The following B3GALT1 variants were observed in gnomAD, a reference collection of about 807,000 sequenced individuals.
B3GALT1 encodes beta-1,3-galactosyltransferase 1, also known as UDP-Gal:betaGlcNAc beta 1,3-galactosyltransferase, polypeptide 1.
Under a neutral mutation model 23.2 loss-of-function variants are expected in B3GALT1, and 10 were observed. That is an observed-to-expected ratio of 0.43 (90% confidence interval 0.27 to 0.73). B3GALT1 has a LOEUF of 0.73. B3GALT1 is among the 30% of genes least tolerant of loss of function. The pLI, the probability that B3GALT1 is intolerant of heterozygous loss-of-function variation, is 0.21. For synonymous variants in B3GALT1, 156 were observed against 141.5 expected (o/e 1.10, Z -0.73); for missense variants, 299 against 405.4 (o/e 0.74, Z 2.25).
chr2:167,867,489 G>A (rs1356270925), intron 4 of B3GALT1, among the ~76,000 whole-genome samples: 1 of 152,120 alleles, frequency 6.6e-6, no homozygotes, highest in East Asian at 1.9e-4. Context: ...ACCACACTGA[G>A]TTATTGCTGG....
rs185947642 is a variant in B3GALT1 at position 167,776,371 on chromosome 2, C to A, written c.-351-42301C>A. Among the ~76,000 whole-genome samples, 72 of 152,284 alleles carry A rather than the reference C, an allele frequency of 4.7e-4. No individual in the cohort carries two copies. In the East Asian group the frequency reaches 0.01, roughly 22 times the overall value. ...GACCTTAGAATTCAAAGACTCCCTA[C>A]CCACTCCGAGTTCTGCCACTGGCTG... On this transcript the variant is annotated intron_variant, in intron 3 of 4. Transcript: ENST00000392690.
chr2:167,415,094 A>G (rs1282096332), intron 1 of B3GALT1, among the ~76,000 whole-genome samples: 1 of 152,182 alleles, frequency 6.6e-6, no homozygotes, highest in Non-Finnish European at 1.5e-5. Context: ...AGAGTGTGCT[A>G]TGATTTGAAT....
intron 2 of B3GALT1, among the ~76,000 whole-genome samples, chr2:167,597,121 T>G (rs1315991046): frequency 6.7e-6 from 1 of 149,822 alleles, no homozygotes; most frequent in African/African-American, 2.4e-5. Flanking sequence ...GTTTTTGTTT[T>G]TTTTTTTTTT....
chr2:167,696,555 A>G (rs1259076510), intron 3 of B3GALT1, among the ~76,000 whole-genome samples: 1 of 152,118 alleles, frequency 6.6e-6, no homozygotes, highest in Admixed American at 6.6e-5. Context: ...CTAGTTTCCT[A>G]TGTAGTGTTA....
At chr2:167,599,472 AG>A (rs1307572142) in intron 2 of B3GALT1, among the ~76,000 whole-genome samples, 1 of 152,206 alleles carries the variant, frequency 6.6e-6, no homozygotes, top group Admixed American at 6.5e-5. Flanking sequence ...TCAAGAGCCT[AG>A]TTACAAGCTC....
chr2:167,712,755 G>A (rs1687081645), intron 3 of B3GALT1, among the ~76,000 whole-genome samples: 1 of 152,050 alleles, frequency 6.6e-6, no homozygotes, highest in Non-Finnish European at 1.5e-5. Context: ...AATTCTTTGA[G>A]CCATTGAAAT....
chr2:167,603,618 A>G (rs746242624), intron 2 of B3GALT1, among the ~76,000 whole-genome samples: 2 of 152,246 alleles, frequency 1.3e-5, no homozygotes, highest in Admixed American at 6.5e-5. Context: ...CCTACCCAGC[A>G]TAATAACTAA....
chr2:167,680,917 A>T (rs537423677), intron 3 of B3GALT1, among the ~76,000 whole-genome samples: 1 of 152,362 alleles, frequency 6.6e-6, no homozygotes, highest in Non-Finnish European at 1.5e-5. Context: ...AATAGAAGTA[A>T]GGCACTTTTT....
intron 1 of B3GALT1, among the ~76,000 whole-genome samples, chr2:167,447,195 A>G (rs1699013254): frequency 2.6e-5 from 4 of 152,284 alleles, no homozygotes; most frequent in South Asian, 2.1e-4. Context: ...AGAACAGCAA[A>G]TGTTGCTGCC....
chr2:167,797,381 T>C (rs960526531), intron 3 of B3GALT1, among the ~76,000 whole-genome samples: 4 of 152,274 alleles, frequency 2.6e-5, no homozygotes, highest in Non-Finnish European at 5.9e-5. Context: ...CTATCATTGA[T>C]GGACATTTTG....
At chr2:167,835,162 G>A (rs1386147039) in intron 4 of B3GALT1, among the ~76,000 whole-genome samples, 1 of 152,156 alleles carries the variant, frequency 6.6e-6, no homozygotes, top group Non-Finnish European at 1.5e-5. Flanking sequence ...TCTCACTAGG[G>A]AGTGCCAGAC....
chr2:167,320,866 A>G (rs1472260987), intron 1 of B3GALT1, among the ~76,000 whole-genome samples: 1 of 152,146 alleles, frequency 6.6e-6, no homozygotes, highest in Non-Finnish European at 1.5e-5. Context: ...TTTAAGTTAA[A>G]AGGAAAATTT....
intron 2 of B3GALT1, among the ~76,000 whole-genome samples, chr2:167,621,517 A>G (rs1685258223): frequency 6.6e-6 from 1 of 152,134 alleles, no homozygotes. Context: ...AGGAACTCCA[A>G]GAGCTTTCCA....
intron 1 of B3GALT1, among the ~76,000 whole-genome samples, chr2:167,406,838 C>G (rs375403464): frequency 6.6e-6 from 1 of 152,138 alleles, no homozygotes; most frequent in Non-Finnish European, 1.5e-5. Context: ...CTCAGCCTTC[C>G]GATCCTGCTG....
intron 2 of B3GALT1, among the ~76,000 whole-genome samples, chr2:167,500,163 A>G (rs1410695271): frequency 6.6e-6 from 1 of 152,200 alleles, no homozygotes; most frequent in Admixed American, 6.5e-5. Context: ...AAAGCCTATA[A>G]GGACTCTCAG....
chr2:167,352,651 G>A (rs1697333321), intron 1 of B3GALT1, among the ~76,000 whole-genome samples: 1 of 151,872 alleles, frequency 6.6e-6, no homozygotes, highest in Non-Finnish European at 1.5e-5. Context: ...AACCTGGGAG[G>A]CGGAGACTGC....
intron 3 of B3GALT1, among the ~76,000 whole-genome samples, chr2:167,716,319 G>A (rs1232230430): frequency 6.6e-6 from 1 of 151,918 alleles, no homozygotes; most frequent in Non-Finnish European, 1.5e-5. Flanking sequence ...GTCCGAGCCC[G>A]ACCCGCCTTA....
chr2:167,564,494 TG>T (rs1353386045), intron 2 of B3GALT1, among the ~76,000 whole-genome samples: 2 of 151,982 alleles, frequency 1.3e-5, no homozygotes, highest in Non-Finnish European at 2.9e-5. Context: ...CTCGGCACCC[TG>T]GGAGGCCAAG....
At chr2:167,366,730 G>A (rs745553721) in intron 1 of B3GALT1, among the ~76,000 whole-genome samples, 7 of 152,184 alleles carry the variant, frequency 4.6e-5, no homozygotes, top group Admixed American at 3.3e-4. Context: ...CAACTCAGCC[G>A]AGCTGGAGGA....
Sources: allele counts gnomAD v4.1 joint callset (sites outside exome capture counted in the v4.1 genomes callset), GRCh38; gene constraint gnomAD v4.1.1; transcripts MANE v1.5; gene names NCBI Gene and HGNC (gene_info 2026-07-23, HGNC 2026-07-21).